The following KLRF2 variants were observed in gnomAD, a reference collection of about 807,000 sequenced individuals.
KLRF2 encodes killer cell lectin-like receptor subfamily F member 2.
In KLRF2, 28 loss-of-function variants were observed where a neutral mutation model predicts 25.3. That is an observed-to-expected ratio of 1.11 (90% CI 0.82 to 1.52). The LOEUF (loss-of-function observed/expected upper bound fraction) is 1.52. Ranked by LOEUF, KLRF2 falls within the 40% of genes most tolerant of loss-of-function variation. The probability of loss-of-function intolerance (pLI) is 0.00; values close to 1 mark genes in which losing one functional copy is unlikely to be tolerated. For synonymous variants in KLRF2, 73 were observed against 85.0 expected, an observed-to-expected ratio of 0.86 and a Z score of 0.78; for missense variants, 265 against 245.8, an observed-to-expected ratio of 1.08 and a Z score of -0.52.
intron 2 of KLRF2, among the ~76,000 whole-genome samples, chr12:9,886,134 ATGT>A (rs763622190): frequency 2.6e-5 from 4 of 152,158 alleles, no homozygotes; most frequent in Non-Finnish European, 4.4e-5. Context: ...GAAATTTGAC[ATGT>A]TGATGAATTA....
At chr12:9,894,773 G>A (rs1434323602) in intron 5 of KLRF2, among the ~76,000 whole-genome samples, 1 of 151,890 alleles carries the variant, frequency 6.6e-6, no homozygotes, top group Non-Finnish European at 1.5e-5. Context: ...TAAAACTAAA[G>A]GATGAAGTAG....
At chr12:9,882,532 C>CT (rs1868105023) in intron 1 of KLRF2, among the ~76,000 whole-genome samples, 1 of 152,118 alleles carries the variant, frequency 6.6e-6, no homozygotes, top group South Asian at 2.1e-4. Context: ...AATCCCAGCA[C>CT]TTTGGGATGC....
Position 9,888,722 on chromosome 12 carries a change from A to G in KLRF2, c.170-11A>G. On this transcript the variant is annotated splice_polypyrimidine_tract_variant and intron_variant, in intron 2 of 5. Coordinates refer to ENST00000535540, the MANE Select transcript of KLRF2 (RefSeq NM_001190765.1). ...AATGTTTCTCATATCTTTTCTTTGC[A>G]CTGAGTACAGATAAAAAAATGGATT... is the stretch of plus-strand genomic sequence containing the variant. The G allele has an allele frequency of 6.9e-7, 1 of 1,445,876 alleles. No individual in the cohort carries two copies. Among genetic ancestry groups the G allele is most frequent in the Non-Finnish European group, 9.4e-7 (1 of 1,065,160 alleles). 89.6% of individuals were successfully genotyped at this position (1,445,876 alleles called of 1,614,324 possible).
rs990177156 is a variant in KLRF2 at position 9,893,004 on chromosome 12, C to G, written c.218-16C>G. ...GCTGTAAAGTTTAATTAATTTTCCC[C>G]TATGTTTTCCTTTAGGACACAATTA... On this transcript the variant is annotated splice_polypyrimidine_tract_variant and intron_variant, in intron 3 of 5. Coordinates refer to ENST00000535540, the MANE Select transcript of KLRF2 (RefSeq NM_001190765.1). The G allele has an allele frequency of 1.3e-6, 2 of 1,521,814 alleles. No individual in the cohort carries two copies. Among genetic ancestry groups the G allele is most frequent in the Non-Finnish European group, 1.8e-6 (2 of 1,136,524 alleles). 94.3% of individuals were successfully genotyped at this position (1,521,814 alleles called of 1,614,324 possible).
At chr12:9,883,727 A>C (rs1178136107) in intron 1 of KLRF2, among the ~76,000 whole-genome samples, 3 of 152,202 alleles carry the variant, frequency 2.0e-5, no homozygotes, top group Non-Finnish European at 4.4e-5. Flanking sequence ...TGGACTTAGT[A>C]ATACAGACAA....
intron 2 of KLRF2, among the ~76,000 whole-genome samples, chr12:9,887,494 G>A (rs1421604138): frequency 6.6e-6 from 1 of 152,150 alleles, no homozygotes; most frequent in Non-Finnish European, 1.5e-5. Context: ...GAGTAATCAA[G>A]TAAATATTTT....
Position 9,886,781 on chromosome 12 carries a change from A to AG in KLRF2, c.169+1749_169+1750insG, listed in dbSNP as rs1555126314. The stretch of plus-strand genomic sequence containing the variant: ...TATCATGCAAAAAAAAAAAAAAAAA[A>AG]AGAGAGAAGAACTCTCTAAAACAGT... On this transcript the variant is annotated intron_variant, in intron 2 of 5. Coordinates refer to ENST00000535540, the MANE Select transcript of KLRF2 (RefSeq NM_001190765.1). Among the ~76,000 whole-genome samples, 55 of 145,170 alleles carry AG rather than the reference A, an allele frequency of 3.8e-4. 1 individual carries two copies. In the East Asian group the frequency reaches 6.6e-3, roughly 17 times the overall value.
At chr12:9,893,257 C>A in intron 4 of KLRF2, 89 bp downstream of exon 4, 3 of 1,258,702 alleles carry the variant, frequency 2.4e-6, no homozygotes, top group South Asian at 3.1e-5. Flanking sequence ...GGTTTATTGT[C>A]GTTGCTTCTG....
At chr12:9,883,667 G>A in intron 1 of KLRF2, among the ~76,000 whole-genome samples, 1 of 152,068 alleles carries the variant, frequency 6.6e-6, no homozygotes, top group Non-Finnish European at 1.5e-5. Context: ...TTCCATATTT[G>A]CTTGAACAGC....
At chr12:9,883,495 T>C (rs1868116733) in intron 1 of KLRF2, among the ~76,000 whole-genome samples, 1 of 152,210 alleles carries the variant, frequency 6.6e-6, no homozygotes. Flanking sequence ...TGGTCTATTG[T>C]TCAGTTTTTT....
chr12:9,893,042 T>A lies in KLRF2; in HGVS notation c.240T>A (p.Asn80Lys), dbSNP rs991526431. 4 of 1,535,790 alleles carry A rather than the reference T, an allele frequency of 2.6e-6. No homozygotes were observed. The highest frequency in any genetic ancestry group is 2.6e-6 in the Non-Finnish European group (3 of 1,146,656). ...SLSGHNYLCP[N>K]DWLLNEGKCY... ...TAGGACACAATTACTTGTGCCCAAA[T>A]GACTGGCTGTTGAACGAAGGGAAAT... The change falls in exon 4 of 6, where the codon AAT becomes AAA. Residue 80 changes from asparagine to lysine, a missense_variant. Asn to Lys is a moderately conservative substitution (Grantham distance 94). Transcript: ENST00000535540.
chr12:9,881,649 G>C lies in KLRF2; in HGVS notation c.54G>C (p.Ser18=). Residue 18 remains serine (S), a synonymous_variant, in exon 1 of 6, where the codon TCG becomes TCC. Transcript: ENST00000535540. ...TGAGTTTCAAGAATCGTTGTAAATC[G>C]AAGCAGAAATCTAAAGGTAGGAATA... ...MTLSFKNRCK[S]KQKSKDFSLY... The C allele has an allele frequency of 1.3e-6, 2 of 1,535,174 alleles. No individual in the cohort carries two copies. Among genetic ancestry groups the C allele is most frequent in the South Asian group, 2.4e-5 (2 of 84,038 alleles).
intron 3 of KLRF2, among the ~76,000 whole-genome samples, chr12:9,892,027 C>T (rs1862682794): frequency 6.6e-6 from 1 of 152,098 alleles, no homozygotes; most frequent in South Asian, 2.1e-4. Flanking sequence ...ATGACAGTCC[C>T]ACCTCACAAA....
At chr12:9,888,445 G>T (rs1474810241) in intron 2 of KLRF2, among the ~76,000 whole-genome samples, 2 of 151,790 alleles carry the variant, frequency 1.3e-5, no homozygotes, top group African/African-American at 2.4e-5. Flanking sequence ...AGCCGAGATT[G>T]CGCCACTGCA....
intron 5 of KLRF2, among the ~76,000 whole-genome samples, chr12:9,894,696 T>C (rs180959036): frequency 3.3e-5 from 5 of 152,294 alleles, no homozygotes; most frequent in African/African-American, 1.2e-4. Context: ...CATAGTTCAT[T>C]TCAGTTCAGA....
intron 5 of KLRF2, among the ~76,000 whole-genome samples, chr12:9,895,436 G>A (rs750211684): frequency 5.3e-5 from 8 of 152,188 alleles, no homozygotes; most frequent in Non-Finnish European, 7.4e-5. Context: ...TCTTGCAGGC[G>A]TAGATAATGA....
intron 1 of KLRF2, among the ~76,000 whole-genome samples, chr12:9,884,038 A>G (rs182241926): frequency 3.0e-4 from 45 of 152,306 alleles, no homozygotes; most frequent in Admixed American, 2.2e-3. Context: ...CAAACTGACT[A>G]AAATGATTGT....
intron 2 of KLRF2, among the ~76,000 whole-genome samples, chr12:9,886,616 A>G (rs1404162977): frequency 1.3e-5 from 2 of 152,180 alleles, no homozygotes; most frequent in East Asian, 3.8e-4. Context: ...AATGCTTATT[A>G]CCAATTAAAT....
chr12:9,883,078 C>T (rs1375636483), intron 1 of KLRF2, among the ~76,000 whole-genome samples: 1 of 152,000 alleles, frequency 6.6e-6, no homozygotes, highest in Non-Finnish European at 1.5e-5. Flanking sequence ...ATAAATTGGG[C>T]CAGAAAAATT....
Sources: allele counts gnomAD v4.1 joint callset (sites outside exome capture counted in the v4.1 genomes callset), GRCh38; gene constraint gnomAD v4.1.1; transcripts MANE v1.5; gene names NCBI Gene and HGNC (gene_info 2026-07-23, HGNC 2026-07-21).